The following TRPC4 variants were observed in gnomAD, a reference collection of about 807,000 sequenced individuals.
The protein encoded by TRPC4 is transient receptor potential cation channel subfamily C member 4.
TRPC4 carries 49 observed loss-of-function variants against 99.4 expected under a neutral mutation model. The ratio of observed to expected loss-of-function variants is 0.49; its 90% CI spans 0.39 to 0.63. TRPC4 has a LOEUF of 0.63. Among genes scored for constraint, TRPC4 ranks in the 20% least tolerant of loss-of-function variants. TRPC4 has a pLI of 0.00. For missense variants in TRPC4, 898 were observed against 1,152.9 expected, an observed-to-expected ratio of 0.78 and a Z score of 3.20; for synonymous variants, 454 against 425.9, an observed-to-expected ratio of 1.07 and a Z score of -0.81.
chr13:37,724,388 T>C (rs193099753), intron 3 of TRPC4, among the ~76,000 whole-genome samples: 50 of 152,306 alleles, frequency 3.3e-4, no homozygotes, highest in Non-Finnish European at 6.3e-4. Flanking sequence ...CTTTGAGCAA[T>C]GAATTAGAAA....
intron 1 of TRPC4, among the ~76,000 whole-genome samples, chr13:37,831,862 G>A (rs1958429667): frequency 6.6e-6 from 1 of 152,120 alleles, no homozygotes; most frequent in Non-Finnish European, 1.5e-5. Context: ...AGAGTAGAAT[G>A]GTGGTTACCA....
chr13:37,846,636 A>C (rs1441923566), intron 1 of TRPC4, among the ~76,000 whole-genome samples: 1 of 91,340 alleles, frequency 1.1e-5, no homozygotes, highest in Non-Finnish European at 2.2e-5. Context: ...ATGAAGACAG[A>C]AAGAGAGGAA....
At chr13:37,842,370 AG>A (rs1214225792) in intron 1 of TRPC4, among the ~76,000 whole-genome samples, 1,948 of 110,094 alleles carry the variant, frequency 0.018, 178 homozygotes, top group African/African-American at 0.044. Flanking sequence ...AAAAAAAAAA[AG>A]GAAAAGGAAA....
chr13:37,690,558 G>C lies in TRPC4; in HGVS notation c.1234+1441C>G, dbSNP rs550469694. Among the ~76,000 whole-genome samples, 172 of 152,322 alleles carry C rather than the reference G, an allele frequency of 1.1e-3. 2 individuals are homozygous for C. Among genetic ancestry groups the C allele is most frequent in the Admixed American group, 4.2e-3 (65 of 15,298 alleles). The stretch of plus-strand genomic sequence containing the variant: ...GATCCGCCCGCTTTGGCTTCCCAAA[G>C]TGCTGGGATTACAGGCATGAGTCAC... On this transcript the variant is annotated intron_variant, in intron 4 of 10. Coordinates refer to ENST00000379705, the MANE Select transcript of TRPC4 (RefSeq NM_016179.4).
intron 1 of TRPC4, among the ~76,000 whole-genome samples, chr13:37,834,429 C>T (rs1158632184): frequency 2.0e-5 from 3 of 152,100 alleles, no homozygotes; most frequent in South Asian, 2.1e-4. Context: ...TTTTTGTTTA[C>T]GTGTGAATTA....
chr13:37,665,725 G>C (rs1952623035), intron 5 of TRPC4, among the ~76,000 whole-genome samples: 1 of 151,272 alleles, frequency 6.6e-6, no homozygotes, highest in Non-Finnish European at 1.5e-5. Flanking sequence ...CATTGCTTTA[G>C]GTTTAACATC....
At chr13:37,661,956 T>G (rs1442056324) in intron 6 of TRPC4, among the ~76,000 whole-genome samples, 1 of 152,110 alleles carries the variant, frequency 6.6e-6, no homozygotes, top group East Asian at 1.9e-4. Context: ...AGTGGGAAGA[T>G]GTCAAGACTG....
chr13:37,843,908 A>G (rs1019506038), intron 1 of TRPC4, among the ~76,000 whole-genome samples: 10 of 152,194 alleles, frequency 6.6e-5, no homozygotes, highest in Admixed American at 2.6e-4. Context: ...GAAAATTTTG[A>G]TCCCAATGGT....
At chr13:37,852,162 G>C (rs1959076091) in intron 1 of TRPC4, among the ~76,000 whole-genome samples, 1 of 152,162 alleles carries the variant, frequency 6.6e-6, no homozygotes, top group African/African-American at 2.4e-5. Flanking sequence ...AGCTGAAGAA[G>C]AGCTTATGCC....
chr13:37,812,176 C>CAAAAAAAAAAAAAAAAAAAAAAAAAA lies in TRPC4; in HGVS notation c.-27-28817_-27-28816insTTTTTTTTTTTTTTTTTTTTTTTTTT, dbSNP rs61607544. 1.2e-3 allele frequency among the ~76,000 whole-genome samples: 68 copies of CAAAAAAAAAAAAAAAAAAAAAAAAAA among 55,144 alleles called. 6 individuals carry two copies. The highest frequency in any genetic ancestry group is 1.9e-3 in the East Asian group (3 of 1,620). 36.2% of individuals were successfully genotyped at this position (55,144 alleles called of 152,430 possible). The stretch of plus-strand genomic sequence containing the variant: ...CCTAGGCAACAGACTGAGACTCTAT[C>CAAAAAAAAAAAAAAAAAAAAAAAAAA]AAAAAAAAAAAAAAAAAAACCAGGA... On this transcript the variant is annotated intron_variant, in intron 1 of 10. Coordinates refer to ENST00000379705, the MANE Select transcript of TRPC4 (RefSeq NM_016179.4).
chr13:37,852,851 G>T (rs1023109735), intron 1 of TRPC4, among the ~76,000 whole-genome samples: 17 of 152,188 alleles, frequency 1.1e-4, no homozygotes, highest in African/African-American at 4.1e-4. Flanking sequence ...CAGTGGTGGT[G>T]ATGCCCACCA....
chr13:37,802,791 G>A (rs1957435662), intron 1 of TRPC4, among the ~76,000 whole-genome samples: 1 of 152,044 alleles, frequency 6.6e-6, no homozygotes, highest in African/African-American at 2.4e-5. Context: ...AATGTTTTGG[G>A]AAGATATAAA....
chr13:37,745,853 C>G, intron 3 of TRPC4, 84 bp downstream of exon 3: 20 of 1,498,644 alleles, frequency 1.3e-5, no homozygotes, highest in Non-Finnish European at 1.8e-5. Flanking sequence ...CTCTAAAACC[C>G]AAAACTAATT....
At chr13:37,811,471 G>C (rs906952104) in intron 1 of TRPC4, among the ~76,000 whole-genome samples, 1 of 152,140 alleles carries the variant, frequency 6.6e-6, no homozygotes. Context: ...GAAAATTCAG[G>C]TGGAGCCTTT....
chr13:37,670,350 G>A (rs1252617989), intron 5 of TRPC4, among the ~76,000 whole-genome samples: 1 of 152,112 alleles, frequency 6.6e-6, no homozygotes, highest in Admixed American at 6.5e-5. Flanking sequence ...TTTGTAGGAT[G>A]ATACAGTTTT....
intron 1 of TRPC4, among the ~76,000 whole-genome samples, chr13:37,828,456 C>A (rs1396398448): frequency 6.6e-6 from 1 of 152,118 alleles, no homozygotes; most frequent in African/African-American, 2.4e-5. Flanking sequence ...AATCAAAATA[C>A]CATTTAACAC....
chr13:37,726,975 T>G (rs1955087731), intron 3 of TRPC4, among the ~76,000 whole-genome samples: 1 of 152,066 alleles, frequency 6.6e-6, no homozygotes, highest in African/African-American at 2.4e-5. Context: ...AAGTAAAAAA[T>G]TCTACAATAA....
intron 1 of TRPC4, among the ~76,000 whole-genome samples, chr13:37,796,425 A>T (rs967894556): frequency 6.6e-6 from 1 of 152,104 alleles, no homozygotes; most frequent in African/African-American, 2.4e-5. Flanking sequence ...AGTTTTCCTT[A>T]TTACCCTGTA....
intron 1 of TRPC4, among the ~76,000 whole-genome samples, chr13:37,862,789 T>C (rs1959463023): frequency 6.6e-6 from 1 of 151,586 alleles, no homozygotes; most frequent in Non-Finnish European, 1.5e-5. Flanking sequence ...GCAGAGTGAC[T>C]GTTATGTATT....
Sources: gnomAD v4.1 joint callset for allele counts (sites outside exome capture counted in the v4.1 genomes callset) on GRCh38, gnomAD v4.1.1 for gene constraint, MANE v1.5 for transcripts, NCBI Gene and HGNC (gene_info 2026-07-23, HGNC 2026-07-21) for gene names.